The following DAB1 variants were observed in gnomAD, a reference collection of about 807,000 sequenced individuals.
The protein encoded by DAB1 is DAB adaptor protein 1, also known as disabled homolog 1.
Under a neutral mutation model 64.6 loss-of-function variants are expected in DAB1, and 15 were observed. The observed-to-expected ratio is 0.23, with a 90% confidence interval of 0.16 to 0.36. The LOEUF (loss-of-function observed/expected upper bound fraction) is 0.36. DAB1 is among the 10% of genes least tolerant of loss of function. DAB1 has a pLI of 1.00. For synonymous variants in DAB1, 235 were observed against 251.9 expected, an observed-to-expected ratio of 0.93 and a Z score of 0.64; for missense variants, 596 against 706.7, an observed-to-expected ratio of 0.84 and a Z score of 1.78.
rs138056715 is a variant in DAB1 at position 57,146,388 on chromosome 1, C to T, written c.68-959G>A. 3.1e-3 allele frequency among the ~76,000 whole-genome samples: 475 copies of T among 152,316 alleles called. 3 individuals carry two copies. Among genetic ancestry groups the T allele is most frequent in the African/African-American group, 0.011 (457 of 41,580 alleles). ...AGTTGGTTCTTAAAACCTGGAGTGT[C>T]CTTCTGTCTGTTATTCATCTCCTAT... On this transcript the variant is annotated intron_variant, in intron 2 of 14. Transcript: ENST00000371236.
chr1:57,023,775 T>C (rs1017369181), intron 10 of DAB1, 136 bp from the exon 11 acceptor site: 21 of 650,248 alleles, frequency 3.2e-5, no homozygotes, highest in Non-Finnish European at 5.4e-5. Context: ...GTGCAGCCCA[T>C]GTGCTGGTTA....
chr1:58,288,105 T>C (rs927056119), intron 4 of DAB1, among the ~76,000 whole-genome samples: 1 of 146,850 alleles, frequency 6.8e-6, no homozygotes, highest in African/African-American at 2.6e-5. Context: ...AAATATAGAG[T>C]CTTTTAATCA....
intron 2 of DAB1, among the ~76,000 whole-genome samples, chr1:58,522,826 C>A (rs1646287943): frequency 6.6e-6 from 1 of 152,080 alleles, no homozygotes; most frequent in African/African-American, 2.4e-5. Context: ...AATATATTTA[C>A]TATTCATTAA....
intron 11 of DAB1, among the ~76,000 whole-genome samples, chr1:57,019,454 C>A (rs1042695371): frequency 1.3e-5 from 2 of 152,070 alleles, no homozygotes; most frequent in African/African-American, 2.4e-5. Flanking sequence ...CTGCTCCAGA[C>A]CAAAGTACAA....
intron 3 of DAB1, chr1:58,462,441 C>G (rs1350641553): frequency 6.6e-6 from 1 of 152,078 alleles, no homozygotes; most frequent in Non-Finnish European, 1.5e-5. Flanking sequence ...GTCTGGATAC[C>G]CTCAATCCCA....
chr1:57,823,097 G>T (rs1330253369), downstream of DAB1, among the ~76,000 whole-genome samples: 1 of 149,334 alleles, frequency 6.7e-6, no homozygotes, highest in Non-Finnish European at 1.5e-5. Context: ...CAATTCTCCT[G>T]CCTCAGCCTC....
At chr1:58,228,405 ATTAT>A (rs1659603130) in intron 4 of DAB1, among the ~76,000 whole-genome samples, 2 of 152,138 alleles carry the variant, frequency 1.3e-5, no homozygotes, top group African/African-American at 4.8e-5. Flanking sequence ...CTTTTCTATT[ATTAT>A]TTAAGAAATT....
intron 3 of DAB1, among the ~76,000 whole-genome samples, chr1:58,392,783 T>C (rs1644486898): frequency 6.6e-6 from 1 of 152,240 alleles, no homozygotes. Context: ...CACTGGCTCT[T>C]GGCTAAGGTA....
At chr1:58,502,530 T>A (rs1295639879) in intron 3 of DAB1, among the ~76,000 whole-genome samples, 1 of 152,182 alleles carries the variant, frequency 6.6e-6, no homozygotes, top group Admixed American at 6.5e-5. Flanking sequence ...GAACATAACT[T>A]CACCATACTG....
At chr1:58,164,585 T>C (rs1655723980) in intron 4 of DAB1, among the ~76,000 whole-genome samples, 1 of 152,184 alleles carries the variant, frequency 6.6e-6, no homozygotes, top group Non-Finnish European at 1.5e-5. Context: ...TGAACAATTA[T>C]TAAAATGTAG....
At chr1:58,107,603 CTGTTTTTGTTTT>C (rs201044813) in intron 5 of DAB1, among the ~76,000 whole-genome samples, 5 of 151,306 alleles carry the variant, frequency 3.3e-5, no homozygotes, top group South Asian at 2.1e-4. Flanking sequence ...TGTTTTTTTT[CTGTTTTTGTTTT>C]TGTTTTTGTT....
At chr1:58,082,576 G>C (rs1650062368) in intron 5 of DAB1, among the ~76,000 whole-genome samples, 1 of 152,132 alleles carries the variant, frequency 6.6e-6, no homozygotes, top group Non-Finnish European at 1.5e-5. Context: ...GATAGGGGTG[G>C]AAGAAAAGGT....
At chr1:57,188,368 A>T (rs155302) in intron 2 of DAB1, among the ~76,000 whole-genome samples, 4,042 of 152,216 alleles carry the variant, frequency 0.027, 186 homozygotes, top group African/African-American at 0.092. Flanking sequence ...GTTCAGTGTG[A>T]GTAATCGACA....
Position 57,536,216 on chromosome 1 carries a change from C to T in DAB1, n.625+113376G>A, listed in dbSNP as rs1378142072. Among the ~76,000 whole-genome samples the T allele has an allele frequency of 4.6e-5, 7 of 152,316 alleles. No homozygotes were observed. In the East Asian group the frequency reaches 1.4e-3, roughly 29 times the overall value. The stretch of plus-strand genomic sequence containing the variant: ...AATCACAAAATATATCACACAGACC[C>T]TGGCTTGGAACAGTTGGTCTCTGAA... On this transcript the variant is annotated intron_variant and non_coding_transcript_variant, in intron 7 of 20. Coordinates refer to the DAB1 transcript ENST00000485760.
At chr1:58,204,635 G>T (rs1658170106) in intron 4 of DAB1, among the ~76,000 whole-genome samples, 1 of 152,176 alleles carries the variant, frequency 6.6e-6, no homozygotes, top group African/African-American at 2.4e-5. Flanking sequence ...GTCTCACCCA[G>T]GCAATGAAGA....
At chr1:57,998,713 C>T (rs2802906) in intron 5 of DAB1, among the ~76,000 whole-genome samples, 62,989 of 152,050 alleles carry the variant, frequency 0.41, 13,361 homozygotes, top group East Asian at 0.63. Flanking sequence ...GAGGAATTAA[C>T]GTACACATGT....
At chr1:57,394,738 A>T (rs1245071398) in intron 1 of DAB1, among the ~76,000 whole-genome samples, 1 of 152,322 alleles carries the variant, frequency 6.6e-6, no homozygotes, top group East Asian at 1.9e-4. Context: ...TGTCAAACAT[A>T]CTTGTTTCTA....
At chr1:57,686,305 G>T (rs1184076215) in intron 6 of DAB1, among the ~76,000 whole-genome samples, 1 of 152,086 alleles carries the variant, frequency 6.6e-6, no homozygotes, top group Non-Finnish European at 1.5e-5. Flanking sequence ...TAGAGGAAAT[G>T]GATAAATTCC....
intron 4 of DAB1, among the ~76,000 whole-genome samples, chr1:58,185,904 T>C (rs1000414745): frequency 2.0e-5 from 3 of 152,206 alleles, no homozygotes; most frequent in Admixed American, 1.3e-4. Context: ...GATAGGGCCA[T>C]TGACCCTAGA....
Sources: gnomAD v4.1 joint callset for allele counts (sites outside exome capture counted in the v4.1 genomes callset) on GRCh38, gnomAD v4.1.1 for gene constraint, MANE v1.5 for transcripts, NCBI Gene and HGNC (gene_info 2026-07-23, HGNC 2026-07-21) for gene names.